CADM2: variants seen among roughly 807,000 people sequenced by gnomAD.
The protein encoded by CADM2 is immunoglobulin superfamily member 4D.
In CADM2, 12 loss-of-function variants were observed where a neutral mutation model predicts 49.8. The ratio of observed to expected loss-of-function variants is 0.24; its 90% CI spans 0.15 to 0.39. CADM2 has a LOEUF of 0.39. CADM2 is among the 10% of genes least tolerant of loss of function. CADM2 has a pLI of 1.00. For synonymous variants in CADM2, 214 were observed against 175.4 expected, an observed-to-expected ratio of 1.22 and a Z score of -1.74; for missense variants, 378 against 492.3, an observed-to-expected ratio of 0.77 and a Z score of 2.20.
chr3:85,446,991 C>CATATATACATAT (rs2037491014), intron 1 of CADM2, among the ~76,000 whole-genome samples: 2 of 54,552 alleles, frequency 3.7e-5, no homozygotes, highest in Admixed American at 5.5e-4. Flanking sequence ...ATATGTATTG[C>CATATATACATAT]ATATATATAT....
At chr3:85,200,946 A>T (rs772656126) in intron 1 of CADM2, among the ~76,000 whole-genome samples, 1 of 152,170 alleles carries the variant, frequency 6.6e-6, no homozygotes, top group Non-Finnish European at 1.5e-5. Context: ...CTCTCTTAAT[A>T]CAAATGTGTG....
intron 2 of CADM2, among the ~76,000 whole-genome samples, chr3:85,776,803 T>A (rs975265746): frequency 6.6e-6 from 1 of 152,082 alleles, no homozygotes; most frequent in Admixed American, 6.6e-5. Context: ...TTCCCAATCC[T>A]GGTGATTATA....
chr3:85,909,073 T>C (rs982395119), intron 5 of CADM2, among the ~76,000 whole-genome samples: 3 of 152,092 alleles, frequency 2.0e-5, no homozygotes, highest in Non-Finnish European at 4.4e-5. Flanking sequence ...AATAAGCTAA[T>C]CTTAACTGTA....
At chr3:85,278,717 CTT>C (rs1491581686) in intron 1 of CADM2, among the ~76,000 whole-genome samples, 1 of 83,366 alleles carries the variant, frequency 1.2e-5, no homozygotes, top group Non-Finnish European at 2.3e-5. Context: ...TGCTGATGTT[CTT>C]GTGTGTGTGT....
chr3:85,595,748 A>G (rs1226925983), intron 1 of CADM2, among the ~76,000 whole-genome samples: 1 of 152,038 alleles, frequency 6.6e-6, no homozygotes, highest in Non-Finnish European at 1.5e-5. Flanking sequence ...TGTAATAAAA[A>G]GTAATATTTA....
In CADM2 at chr3:85,584,495, T is replaced by G. The variant is rs143715031; in HGVS notation, c.62-142027T>G. Among the ~76,000 whole-genome samples, 80 of 152,248 alleles carry G rather than the reference T, an allele frequency of 5.3e-4. No homozygotes were observed. In the East Asian group the frequency reaches 0.015, roughly 29 times the overall value. The stretch of plus-strand genomic sequence containing the variant: ...TTTATTTGTTTATAAATATATGTTA[T>G]GGTGCTTGCCGTCAAAAGGGGATAA... On this transcript the variant is annotated intron_variant, in intron 1 of 9. Transcript: ENST00000383699.
chr3:85,493,048 T>G (rs2039743306), intron 1 of CADM2, among the ~76,000 whole-genome samples: 1 of 152,236 alleles, frequency 6.6e-6, no homozygotes, highest in East Asian at 1.9e-4. Flanking sequence ...GACAAAACAG[T>G]TCCATCCAGT....
rs562560488 is a variant in CADM2, at chr3:84,994,930, G to C, written c.61+35262G>C. 1.4e-4 allele frequency among the ~76,000 whole-genome samples: 22 copies of C among 152,090 alleles called. No homozygotes were observed. In the South Asian group the frequency reaches 4.4e-3, roughly 30 times the overall value. Reference sequence around the variant, plus strand: ...GTAACCCAGCTACTTGGGAGGCTGAGGCAGGAGAATCATGTGAACCCGGAA... The same window carrying C: ...GTAACCCAGCTACTTGGGAGGCTGACGCAGGAGAATCATGTGAACCCGGAA... On this transcript the variant is annotated intron_variant, in intron 1 of 9. Transcript: ENST00000383699.
At chr3:85,600,240 C>A (rs2063352790) in intron 1 of CADM2, among the ~76,000 whole-genome samples, 3 of 151,724 alleles carry the variant, frequency 2.0e-5, no homozygotes, top group Admixed American at 6.6e-5. Flanking sequence ...ATTCTAGATA[C>A]AGAAAGAACT....
At chr3:85,338,334 G>C (rs2045146938) in intron 1 of CADM2, among the ~76,000 whole-genome samples, 1 of 151,452 alleles carries the variant, frequency 6.6e-6, no homozygotes, top group Admixed American at 6.6e-5. Flanking sequence ...TTAATAACTG[G>C]TTAATCCAAT....
intron 1 of CADM2, among the ~76,000 whole-genome samples, chr3:85,720,071 A>T (rs985420554): frequency 2.0e-5 from 3 of 152,194 alleles, no homozygotes; most frequent in Non-Finnish European, 4.4e-5. Context: ...ACACATGATA[A>T]TTAATTGATG....
At chr3:86,020,814 A>G (rs1462328988) in intron 8 of CADM2, among the ~76,000 whole-genome samples, 2 of 152,266 alleles carry the variant, frequency 1.3e-5, no homozygotes, top group East Asian at 3.9e-4. Flanking sequence ...CTCTCAATAA[A>G]TTAGGTATTG....
intron 1 of CADM2, among the ~76,000 whole-genome samples, chr3:84,993,430 T>C (rs1290662975): frequency 6.6e-6 from 1 of 152,194 alleles, no homozygotes; most frequent in Admixed American, 6.5e-5. Flanking sequence ...GGAAAAGAGA[T>C]AGTACATACT....
chr3:85,774,319 A>G (rs2070251169), intron 2 of CADM2, among the ~76,000 whole-genome samples: 1 of 151,866 alleles, frequency 6.6e-6, no homozygotes, highest in Non-Finnish European at 1.5e-5. Context: ...TATTTTATGC[A>G]GTATTATTTA....
chr3:85,952,044 G>A (rs1408483049), intron 7 of CADM2, among the ~76,000 whole-genome samples: 1 of 150,418 alleles, frequency 6.6e-6, no homozygotes, highest in African/African-American at 2.4e-5. Flanking sequence ...AGAAAGTAGC[G>A]AACTGAACAA....
chr3:85,607,848 G>A (rs931120500), intron 1 of CADM2, among the ~76,000 whole-genome samples: 2 of 151,772 alleles, frequency 1.3e-5, no homozygotes, highest in Non-Finnish European at 2.9e-5. Context: ...GTAGAGACGG[G>A]GTTTCACCAT....
chr3:85,027,656 A>G (rs1042410847), intron 1 of CADM2, among the ~76,000 whole-genome samples: 1 of 152,174 alleles, frequency 6.6e-6, no homozygotes, highest in African/African-American at 2.4e-5. Flanking sequence ...TTTTCAGAAT[A>G]ATAATAAAGT....
In CADM2 at chr3:85,039,146, T is replaced by C. The variant is rs28409084; in HGVS notation, c.61+79478T>C. Among the ~76,000 whole-genome samples the C allele has an allele frequency of 4.6e-3, 695 of 152,132 alleles. 4 individuals are homozygous for C. The highest frequency in any genetic ancestry group is 0.016 in the African/African-American group (668 of 41,522). On this transcript the variant is annotated intron_variant, in intron 1 of 9. Coordinates refer to ENST00000383699, the MANE Select transcript of CADM2 (RefSeq NM_001167675.2). Reference sequence around the variant, plus strand: ...CCTCCCGAGTAGCTGGGATTAGAGGTACCCGCAACCACACCCAGCTTATTT... The same window carrying C: ...CCTCCCGAGTAGCTGGGATTAGAGGCACCCGCAACCACACCCAGCTTATTT...
chr3:85,260,789 A>T (rs1426535971), intron 1 of CADM2, among the ~76,000 whole-genome samples: 5 of 152,172 alleles, frequency 3.3e-5, no homozygotes, highest in Non-Finnish European at 7.4e-5. Flanking sequence ...TGGAAAGTAA[A>T]CTATTCACAA....
Sources: allele counts gnomAD v4.1 joint callset (sites outside exome capture counted in the v4.1 genomes callset), GRCh38; gene constraint gnomAD v4.1.1; transcripts MANE v1.5; gene names NCBI Gene and HGNC (gene_info 2026-07-23, HGNC 2026-07-21).